Variants in RTRAF observed in about 807,000 individuals in gnomAD.
The protein encoded by RTRAF is tRNA-splicing ligase complex subunit RTRAF.
A neutral mutation model predicts 34.4 loss-of-function variants in RTRAF; 14 were observed. The ratio of observed to expected loss-of-function variants is 0.41; its 90% CI spans 0.27 to 0.64. The LOEUF (loss-of-function observed/expected upper bound fraction) is 0.64, where lower values mean the gene tolerates loss of function less well. RTRAF is among the 30% of genes least tolerant of loss of function. The pLI, the probability that RTRAF is intolerant of heterozygous loss-of-function variation, is 0.34. For synonymous variants in RTRAF, 96 were observed against 95.3 expected (o/e 1.01, Z -0.04); for missense variants, 291 against 288.4 (o/e 1.01, Z -0.06).
rs536591431 is a variant in RTRAF at position 51,989,566 on chromosome 14, C to T, written c.-74C>T. ...CCGCCCTCTCGCCGCGTCGCCGGTG[C>T]CTGCGCCTCCCGCTCCACCTCGCTT... On this transcript the variant is annotated 5_prime_UTR_variant, in exon 1 of 8. Coordinates refer to ENST00000261700, the MANE Select transcript of RTRAF (RefSeq NM_016039.3). 17 of 1,486,402 alleles carry T rather than the reference C, an allele frequency of 1.1e-5. No individual in the cohort carries two copies. The East Asian group carries it at 4.1e-4, about 36-fold the overall frequency. The allele number at this position is 1,486,402 out of a possible 1,614,324, so 92.1% of individuals were successfully genotyped here.
intron 5 of RTRAF, among the ~76,000 whole-genome samples, chr14:52,000,062 A>G (rs1389213316): frequency 6.6e-6 from 1 of 152,090 alleles, no homozygotes; most frequent in Non-Finnish European, 1.5e-5. Flanking sequence ...AAAAATATAT[A>G]TCATATGAAG....
Position 52,007,670 on chromosome 14 carries a change from TAAA to T in RTRAF, c.*3155_*3157del, listed in dbSNP as rs1472335391. ...ATTTTAAGACTCATTTACTAGTACT[TAAA>T]TTTACTAGTACTTAAAAGTTTACAG... On this transcript the variant is annotated 3_prime_UTR_variant, in exon 8 of 8. Transcript: ENST00000261700. 2.0e-4 allele frequency: 160 copies of T among 786,216 alleles called. No homozygotes were observed. The highest frequency in any genetic ancestry group is 7.0e-4 in the Admixed American group (29 of 41,706). The allele number at this position is 786,216 out of a possible 1,614,324, so 48.7% of individuals were successfully genotyped here.
rs557789162 is a variant in RTRAF at position 51,993,713 on chromosome 14, C to T, written c.187-10C>T. 6.6e-7 allele frequency: 1 copy of T among 1,508,526 alleles called. No individual in the cohort carries two copies. Among genetic ancestry groups the T allele is most frequent in the Admixed American group, 1.8e-5 (1 of 54,578 alleles). 93.4% of individuals were successfully genotyped at this position (1,508,526 alleles called of 1,614,324 possible). A position where few individuals can be genotyped will look rare whatever the true frequency, so the allele number is the denominator to read the frequency against. ...TGAAACTGGTGGTTTTCTTTTCTTC[C>T]CCCTCACAGTATCTCAGAGATGTTA... On this transcript the variant is annotated splice_polypyrimidine_tract_variant and intron_variant, in intron 2 of 7. Coordinates refer to ENST00000261700, the MANE Select transcript of RTRAF (RefSeq NM_016039.3).
rs1890766118 is a variant in RTRAF at position 52,006,026 on chromosome 14, C to G, written c.*1510C>G. On this transcript the variant is annotated 3_prime_UTR_variant, in exon 8 of 8. Coordinates refer to ENST00000261700, the MANE Select transcript of RTRAF (RefSeq NM_016039.3). ...CCATTGCTCTAAATCCATTGCTCAT[C>G]TCTAGCTGCATGTTAGAATCACATG... 1 of 591,464 alleles carries G rather than the reference C, an allele frequency of 1.7e-6. No homozygotes were observed. The highest frequency in any genetic ancestry group is 1.9e-5 in the African/African-American group (1 of 53,876). The allele number at this position is 591,464 out of a possible 1,614,324, so 36.6% of individuals were successfully genotyped here.
rs1262467929 is a variant in RTRAF at position 51,991,198 on chromosome 14, ATTAAT to A, written c.62-115_62-111del. 1.3e-5 allele frequency: 14 copies of A among 1,041,338 alleles called. No individual in the cohort carries two copies. In the East Asian group the frequency reaches 3.5e-4, roughly 26 times the overall value. The allele number at this position is 1,041,338 out of a possible 1,614,324, so 64.5% of individuals were successfully genotyped here. On this transcript the variant is annotated intron_variant, in intron 1 of 7. Coordinates refer to ENST00000261700, the MANE Select transcript of RTRAF (RefSeq NM_016039.3). ...ACTTTCAACTCCCTCTTTTGGTTCA[ATTAAT>A]TTAGTATTTTGAAGTTAAGAAAATT...
rs1890735948 is a variant in RTRAF, at chr14:52,005,498, T to A, written c.*982T>A. The A allele has an allele frequency of 2.5e-6, 4 of 1,598,628 alleles. No individual in the cohort carries two copies. Among genetic ancestry groups the A allele is most frequent in the African/African-American group, 2.7e-5 (2 of 74,070 alleles). On this transcript the variant is annotated 3_prime_UTR_variant, in exon 8 of 8. Transcript: ENST00000261700. ...TACATTACTGTACTTACTTTCTTCC[T>A]GTGAGAGAAGAGCAGGGGTGGGACA...
Position 52,001,862 on chromosome 14 carries a change from A to G in RTRAF, c.527A>G (p.Lys176Arg), listed in dbSNP as rs1391983727. The G allele has an allele frequency of 1.2e-6, 2 of 1,608,924 alleles. No homozygotes were observed. The highest frequency in any genetic ancestry group is 1.7e-6 in the Non-Finnish European group (2 of 1,178,398). The change falls in exon 6 of 8, where the codon AAA (lysine) becomes AGA (arginine). Residue 176 changes from lysine (K) to arginine (R), a missense_variant. Transcript: ENST00000261700. The part of the protein sequence containing the change: ...QDAVAKANQT[K>R]EGLPVALDKH... ...GCAGTTGCTAAGGCAAATCAAACAA[A>G]AGAGGTACGTTTCTATAAATCCTAA...
At position 52,009,727 on chromosome 14, in the gene RTRAF, GGC is replaced by G. The variant is rs1266477923; in HGVS notation, c.*5212_*5213del. 1 of 152,270 alleles carries G rather than the reference GGC, an allele frequency of 6.6e-6. No individual in the cohort carries two copies. Among genetic ancestry groups the G allele is most frequent in the Non-Finnish European group, 1.5e-5 (1 of 68,122 alleles). The allele number at this position is 152,270 out of a possible 1,614,324, so 9.4% of individuals were successfully genotyped here. A position where few individuals can be genotyped will look rare whatever the true frequency, so the allele number is the denominator to read the frequency against. Reference sequence around the variant, plus strand: ...GAAGGAATAAGGGGCCGGGCGCAGTGGCTCATACCTATAATCCCAGCACTTTG... The same window carrying G: ...GAAGGAATAAGGGGCCGGGCGCAGTGTCATACCTATAATCCCAGCACTTTG... On this transcript the variant is annotated 3_prime_UTR_variant, in exon 8 of 8. Coordinates refer to ENST00000261700, the MANE Select transcript of RTRAF (RefSeq NM_016039.3).
chr14:51,993,651 C>A, intron 2 of RTRAF, 72 bp from the exon 3 acceptor site: 1 of 895,248 alleles, frequency 1.1e-6, no homozygotes, highest in Non-Finnish European at 1.8e-6. Flanking sequence ...TCTCTTTCAA[C>A]TCTCCCATTC....
At position 51,995,176 on chromosome 14, in the gene RTRAF, C is replaced by A. The variant is rs543548482; in HGVS notation, c.286+1354C>A. On this transcript the variant is annotated intron_variant, in intron 3 of 7. Transcript: ENST00000261700. ...CAATTGATGCTGTAACAAATTACTA[C>A]AAACTCAGTGACTGAAAACACAATT... 4.1e-4 allele frequency among the ~76,000 whole-genome samples: 62 copies of A among 152,128 alleles called. 1 individual carries two copies. The highest frequency in any genetic ancestry group is 1.5e-3 in the African/African-American group (61 of 41,502).
In RTRAF at chr14:52,006,979, G is replaced by A. The variant is rs1890810427; in HGVS notation, c.*2463G>A. On this transcript the variant is annotated 3_prime_UTR_variant, in exon 8 of 8. Transcript: ENST00000261700. ...CCTTAGCTTATAAATTATAACATCT[G>A]GGTAAATACTTGCCCTTTGTAAGCT... 5.2e-6 allele frequency: 1 copy of A among 192,190 alleles called. No homozygotes were observed. Among genetic ancestry groups the A allele is most frequent in the East Asian group, 1.3e-4 (1 of 7,506 alleles). The allele number at this position is 192,190 out of a possible 1,614,324, so 11.9% of individuals were successfully genotyped here. A position where few individuals can be genotyped will look rare whatever the true frequency, so the allele number is the denominator to read the frequency against.
intron 2 of RTRAF, among the ~76,000 whole-genome samples, chr14:51,992,890 TGTG>T (rs1890454938): frequency 6.6e-6 from 1 of 151,962 alleles, no homozygotes; most frequent in African/African-American, 2.4e-5. Context: ...ATTAGCCAGG[TGTG>T]GTGGCGCATG....
chr14:52,003,017 T>G (rs1261214757), intron 6 of RTRAF, among the ~76,000 whole-genome samples: 2 of 152,232 alleles, frequency 1.3e-5, no homozygotes, highest in Non-Finnish European at 2.9e-5. Flanking sequence ...CATTCATTCC[T>G]TCAGCAAAAC....
Position 52,004,686 on chromosome 14 carries a change from G to GT in RTRAF, c.*170_*171insT, listed in dbSNP as rs1890685278. ...TTGCTTTTTTCTTTAATAAAGTTTAGGAAAGTAGAATTTTTATTATGTACT... is the reference window on the plus strand; with the variant it reads ...TTGCTTTTTTCTTTAATAAAGTTTAGTGAAAGTAGAATTTTTATTATGTACT... On this transcript the variant is annotated 3_prime_UTR_variant, in exon 8 of 8. Transcript: ENST00000261700. 1 of 601,280 alleles carries GT rather than the reference G, an allele frequency of 1.7e-6. No homozygotes were observed. Among genetic ancestry groups the GT allele is most frequent in the Non-Finnish European group, 2.7e-6 (1 of 365,436 alleles). 37.2% of individuals were successfully genotyped at this position (601,280 alleles called of 1,614,324 possible). A position where few individuals can be genotyped will look rare whatever the true frequency, so the allele number is the denominator to read the frequency against.
rs1890972488 is a variant in RTRAF at position 52,010,528 on chromosome 14, A to C, written c.*6012A>C. On this transcript the variant is annotated 3_prime_UTR_variant, in exon 8 of 8. Transcript: ENST00000261700. ...CTAAATGTGCTGCTGGAGGAATCCCACTTCACTTCCAGTTTAAGTGTCAGC... is the reference window on the plus strand; with the variant it reads ...CTAAATGTGCTGCTGGAGGAATCCCCCTTCACTTCCAGTTTAAGTGTCAGC... 1 of 179,618 alleles carries C rather than the reference A, an allele frequency of 5.6e-6. No individual in the cohort carries two copies. Among genetic ancestry groups the C allele is most frequent in the Non-Finnish European group, 1.2e-5 (1 of 83,796 alleles). The allele number at this position is 179,618 out of a possible 1,614,324, so 11.1% of individuals were successfully genotyped here.
chr14:52,005,635 G>A lies in RTRAF; in HGVS notation c.*1119G>A. The A allele has an allele frequency of 2.9e-6, 4 of 1,358,126 alleles. No homozygotes were observed. Among genetic ancestry groups the A allele is most frequent in the Non-Finnish European group, 3.2e-6 (3 of 950,868 alleles). The allele number at this position is 1,358,126 out of a possible 1,614,324, so 84.1% of individuals were successfully genotyped here. A position where few individuals can be genotyped will look rare whatever the true frequency, so the allele number is the denominator to read the frequency against. On this transcript the variant is annotated 3_prime_UTR_variant, in exon 8 of 8. Transcript: ENST00000261700. ...GACTGGCCCTCAGGGCAGGAAGAAG[G>A]CAATGGTGGCAGTGTCACAGGCAGC...
At chr14:51,999,866 T>C in intron 5 of RTRAF, 70 bp downstream of exon 5, 1 of 1,021,998 alleles carries the variant, frequency 9.8e-7, no homozygotes, top group Non-Finnish European at 1.5e-6. Flanking sequence ...TTCTAAATAT[T>C]AACTATTGAT....
At chr14:51,994,087 C>A (rs908383730) in intron 3 of RTRAF, among the ~76,000 whole-genome samples, 1 of 152,178 alleles carries the variant, frequency 6.6e-6, no homozygotes, top group Non-Finnish European at 1.5e-5. Context: ...TGCACCTTAG[C>A]CTTTCAAATT....
At chr14:51,991,589 A>G in intron 2 of RTRAF, 148 bp downstream of exon 2, 1 of 893,650 alleles carries the variant, frequency 1.1e-6, no homozygotes, top group South Asian at 1.7e-5. Context: ...CTTTTTTCTT[A>G]GATGTGTCTT....
Sources: allele counts gnomAD v4.1 joint callset (sites outside exome capture counted in the v4.1 genomes callset), GRCh38; gene constraint gnomAD v4.1.1; transcripts MANE v1.5; gene names NCBI Gene and HGNC (gene_info 2026-07-23, HGNC 2026-07-21).